The following CDH18 variants were observed in gnomAD, a reference collection of about 807,000 sequenced individuals.
CDH18 encodes the protein cadherin 18.
CDH18 carries 31 observed loss-of-function variants against 67.9 expected under a neutral mutation model. The observed-to-expected ratio is 0.46, with a 90% confidence interval of 0.34 to 0.62. The LOEUF is 0.62. CDH18 is among the 20% of genes least tolerant of loss of function. The pLI is 0.01. For missense variants in CDH18, 890 were observed against 975.5 expected (o/e 0.91, Z 1.17); for synonymous variants, 362 against 347.2 (o/e 1.04, Z -0.48).
At chr5:19,611,132 C>G (rs1023866071) in intron 6 of CDH18, among the ~76,000 whole-genome samples, 4 of 152,108 alleles carry the variant, frequency 2.6e-5, no homozygotes, top group Non-Finnish European at 5.9e-5. Flanking sequence ...AACAATTAAG[C>G]GTCTTCCTAG....
Position 19,964,616 on chromosome 5 carries a change from C to T in CDH18, c.-257+16444G>A, listed in dbSNP as rs187686293. ...GTGAGTGGGATTGTGCCACTGCACT[C>T]CAGCCTGGATGGCAGGGCAAGGCCC... is the stretch of plus-strand genomic sequence containing the variant. On this transcript the variant is annotated intron_variant, in intron 2 of 12. Transcript: ENST00000382275. 5.4e-5 allele frequency among the ~76,000 whole-genome samples: 8 copies of T among 147,226 alleles called. No individual in the cohort carries two copies. The East Asian group carries it at 1.6e-3, about 30-fold the overall frequency.
At chr5:20,565,035 CAT>C (rs895088916) in intron 1 of CDH18, among the ~76,000 whole-genome samples, 17 of 152,158 alleles carry the variant, frequency 1.1e-4, no homozygotes, top group Non-Finnish European at 1.9e-4. Flanking sequence ...TAAAAATTGA[CAT>C]ATTTTTTCTC....
chr5:19,963,662 C>T (rs904060324), intron 2 of CDH18, among the ~76,000 whole-genome samples: 1 of 152,046 alleles, frequency 6.6e-6, no homozygotes, highest in Non-Finnish European at 1.5e-5. Flanking sequence ...GAGGCCTCCC[C>T]AGCCATGCTG....
At chr5:19,883,290 G>C (rs1212252855) in intron 2 of CDH18, among the ~76,000 whole-genome samples, 2 of 152,122 alleles carry the variant, frequency 1.3e-5, no homozygotes, top group Non-Finnish European at 2.9e-5. Context: ...TCTTTGAAAC[G>C]AAGATTGAGT....
chr5:19,897,927 C>A (rs141391038), intron 2 of CDH18, among the ~76,000 whole-genome samples: 1 of 152,028 alleles, frequency 6.6e-6, no homozygotes, highest in Non-Finnish European at 1.5e-5. Flanking sequence ...TGATGCAATT[C>A]TGTTTCTTTA....
At chr5:20,406,116 A>G (rs1746226171) in intron 1 of CDH18, among the ~76,000 whole-genome samples, 1 of 152,202 alleles carries the variant, frequency 6.6e-6, no homozygotes, top group Admixed American at 6.5e-5. Flanking sequence ...TCATGCTGCT[A>G]TAAAGACACA....
chr5:20,555,430 T>C (rs1757851285), intron 1 of CDH18, among the ~76,000 whole-genome samples: 7 of 22,082 alleles, frequency 3.2e-4, no homozygotes, highest in African/African-American at 7.2e-4. Context: ...TTTTTTTTTT[T>C]TTTTTTTTTT....
intron 2 of CDH18, among the ~76,000 whole-genome samples, chr5:19,841,880 T>G (rs1352273097): frequency 6.6e-6 from 1 of 152,198 alleles, no homozygotes; most frequent in Non-Finnish European, 1.5e-5. Flanking sequence ...TTTGCGAATC[T>G]CAATTATGAC....
At chr5:19,893,854 G>GTT (rs1156415987) in intron 2 of CDH18, among the ~76,000 whole-genome samples, 10 of 152,010 alleles carry the variant, frequency 6.6e-5, no homozygotes, top group African/African-American at 2.2e-4. Context: ...TTAGCCTCCT[G>GTT]TTATTTTTAA....
chr5:19,978,943 A>G (rs1211182023), intron 2 of CDH18, among the ~76,000 whole-genome samples: 3 of 152,150 alleles, frequency 2.0e-5, no homozygotes, highest in Admixed American at 6.6e-5. Flanking sequence ...AGCGATTAGT[A>G]TGTGAACATC....
At chr5:19,820,283 G>T (rs1009780468) in intron 3 of CDH18, among the ~76,000 whole-genome samples, 10 of 152,116 alleles carry the variant, frequency 6.6e-5, no homozygotes, top group Admixed American at 6.6e-4. Context: ...GAGTGACCTA[G>T]CAATCCGGGC....
intron 1 of CDH18, among the ~76,000 whole-genome samples, chr5:20,467,983 A>G (rs555654042): frequency 1.5e-5 from 2 of 132,330 alleles, no homozygotes; most frequent in South Asian, 5.2e-4. Flanking sequence ...CTTACTTTTT[A>G]TTTTATTTAT....
At position 20,051,824 on chromosome 5, in the gene CDH18, G is replaced by A. The variant is rs866410940; in HGVS notation, c.-517-59810C>T. 8.9e-4 allele frequency among the ~76,000 whole-genome samples: 136 copies of A among 152,084 alleles called. 2 individuals are homozygous for A. Among genetic ancestry groups the A allele is most frequent in the Admixed American group, 3.6e-3 (55 of 15,256 alleles). ...TGTATGAGTAACATCTTTTTCACAA[G>A]AGTAGAAAATGTAAACACGATATAT... On this transcript the variant is annotated intron_variant, in intron 2 of 14. Coordinates refer to the CDH18 transcript ENST00000507958.
At chr5:19,685,988 A>T (rs1410712461) in intron 5 of CDH18, among the ~76,000 whole-genome samples, 1 of 152,186 alleles carries the variant, frequency 6.6e-6, no homozygotes, top group Non-Finnish European at 1.5e-5. Flanking sequence ...CAGAAAGAAG[A>T]AAGTGGTTTG....
intron 5 of CDH18, among the ~76,000 whole-genome samples, chr5:19,720,886 T>G (rs1244095050): frequency 6.6e-6 from 1 of 152,138 alleles, no homozygotes; most frequent in Non-Finnish European, 1.5e-5. Context: ...CAATACAATT[T>G]TATATATATG....
chr5:20,156,751 C>A (rs1366656837), intron 2 of CDH18, among the ~76,000 whole-genome samples: 1 of 152,106 alleles, frequency 6.6e-6, no homozygotes, highest in Non-Finnish European at 1.5e-5. Context: ...GAAGTACCAC[C>A]AGACCTACTC....
chr5:19,942,594 T>C (rs1579716395), intron 2 of CDH18, among the ~76,000 whole-genome samples: 1 of 152,300 alleles, frequency 6.6e-6, no homozygotes, highest in East Asian at 1.9e-4. Flanking sequence ...CATGTTTTCC[T>C]GAAACAAGTA....
At chr5:19,882,138 A>G (rs1196424792) in intron 2 of CDH18, among the ~76,000 whole-genome samples, 1 of 152,156 alleles carries the variant, frequency 6.6e-6, no homozygotes, top group Admixed American at 6.5e-5. Context: ...GCAACTCATA[A>G]TACATGTCTT....
intron 1 of CDH18, among the ~76,000 whole-genome samples, chr5:20,459,540 A>G (rs1424983198): frequency 6.6e-6 from 1 of 152,122 alleles, no homozygotes; most frequent in Non-Finnish European, 1.5e-5. Flanking sequence ...CCACCATGAC[A>G]CTTGATCATC....
Sources: allele counts gnomAD v4.1 joint callset (sites outside exome capture counted in the v4.1 genomes callset), GRCh38; gene constraint gnomAD v4.1.1; transcripts MANE v1.5; gene names NCBI Gene and HGNC (gene_info 2026-07-23, HGNC 2026-07-21).